ZGPAT: variants seen among roughly 807,000 people sequenced by gnomAD.
ZGPAT encodes the protein zinc finger CCCH-type and G-patch domain containing, also known as zinc finger CCCH-type with G patch domain-containing protein.
ZGPAT carries 39 observed loss-of-function variants against 47.9 expected under a neutral mutation model. The ratio of observed to expected loss-of-function variants is 0.81; its 90% CI spans 0.63 to 1.06. ZGPAT has a LOEUF of 1.06. Among genes scored for constraint, ZGPAT ranks in the 50% least tolerant of loss-of-function variants. ZGPAT has a pLI of 0.00. For missense variants in ZGPAT, 717 were observed against 681.4 expected, an observed-to-expected ratio of 1.05 and a Z score of -0.58; for synonymous variants, 348 against 292.9, an observed-to-expected ratio of 1.19 and a Z score of -1.92.
intron 2 of ZGPAT, chr20:63,730,019 C>CACACACACACACACACACACACACAA (rs67704711): frequency 2.1e-3 from 3 of 1,416 alleles, no homozygotes; most frequent in Non-Finnish European, 6.2e-3. Flanking sequence ...GACTCTACTG[C>CACACACACACACACACACACACACAA]GCACACACAC....
At chr20:63,723,678 T>C (rs561186168) in intron 2 of ZGPAT, among the ~76,000 whole-genome samples, 21 of 152,232 alleles carry the variant, frequency 1.4e-4, no homozygotes, top group Non-Finnish European at 2.5e-4. Flanking sequence ...CTGACATAGC[T>C]CCATCCCCTC....
At chr20:63,730,954 CTCTCTCTCTCTCTCTCTGTGTGTG>C (rs1568797484) in intron 2 of ZGPAT, among the ~76,000 whole-genome samples, 5 of 137,242 alleles carry the variant, frequency 3.6e-5, no homozygotes, top group African/African-American at 1.5e-4. Flanking sequence ...CTCTCTCTCT[CTCTCTCTCTCTCTCTCTGTGTGTG>C]TGTGTGTGTG....
chr20:63,709,077 G>T lies in ZGPAT; in HGVS notation c.497G>T (p.Arg166Leu). 6.2e-7 allele frequency: 1 copy of T among 1,613,166 alleles called. No individual in the cohort carries two copies. Among genetic ancestry groups the T allele is most frequent in the South Asian group, 1.1e-5 (1 of 91,086 alleles). Residue 166 changes from arginine to leucine, a missense_variant, in exon 2 of 7, where the codon CGT (arginine) becomes CTT (leucine). Physicochemically the swap from Arg to Leu is moderately radical, Grantham distance 102. Transcript: ENST00000355969. ...GCGGAGGATGGCTCGGCGGGTGTCCGTGTGCTTTACCTGTACCCCACTCAC... is the reference window on the plus strand; with the variant it reads ...GCGGAGGATGGCTCGGCGGGTGTCCTTGTGCTTTACCTGTACCCCACTCAC... ...EEAEDGSAGV[R>L]VLYLYPTHKS...
chr20:63,727,248 CT>C (rs1175364679), intron 2 of ZGPAT, among the ~76,000 whole-genome samples: 59 of 132,094 alleles, frequency 4.5e-4, no homozygotes, highest in Non-Finnish European at 4.5e-4. Context: ...TTCTTTTTTT[CT>C]TTTTTTTTTT....
intron 2 of ZGPAT, among the ~76,000 whole-genome samples, chr20:63,724,621 T>C (rs1174765219): frequency 1.3e-5 from 2 of 152,112 alleles, no homozygotes; most frequent in Non-Finnish European, 2.9e-5. Context: ...TCCTGTGAAT[T>C]TGAGTTACTG....
intron 2 of ZGPAT, among the ~76,000 whole-genome samples, chr20:63,732,344 AGGT>A (rs55870807): frequency 0.68 from 90,930 of 132,984 alleles, 29,189 homozygotes; most frequent in South Asian, 0.72. Flanking sequence ...TGTGTGGGTG[AGGT>A]GTGTGTGTGC....
intron 2 of ZGPAT, among the ~76,000 whole-genome samples, chr20:63,732,913 T>C (rs575097392): frequency 5.9e-4 from 90 of 152,146 alleles, no homozygotes; most frequent in Non-Finnish European, 1.0e-3. Flanking sequence ...TGCATGTGTG[T>C]GTATATGCCT....
chr20:63,713,072 T>C (rs2145642111), intron 2 of ZGPAT, among the ~76,000 whole-genome samples: 1 of 147,322 alleles, frequency 6.8e-6, no homozygotes, highest in South Asian at 2.2e-4. Flanking sequence ...GAATTGTTTT[T>C]CTTTTCCTTT....
intron 2 of ZGPAT, among the ~76,000 whole-genome samples, chr20:63,731,461 T>C (rs1472708401): frequency 9.3e-6 from 1 of 107,052 alleles, no homozygotes; most frequent in Non-Finnish European, 2.3e-5. Context: ...GTCCTTGGTG[T>C]GTATGTGTGC....
chr20:63,722,842 G>A (rs371056401), intron 2 of ZGPAT, among the ~76,000 whole-genome samples: 91 of 152,260 alleles, frequency 6.0e-4, no homozygotes, highest in African/African-American at 2.2e-3. Context: ...TGTTGGTCAG[G>A]CTGGTCTCGA....
intron 2 of ZGPAT, among the ~76,000 whole-genome samples, chr20:63,715,302 C>T (rs551754966): frequency 6.8e-5 from 10 of 148,042 alleles, no homozygotes; most frequent in African/African-American, 1.5e-4. Context: ...GTGAGTGGCG[C>T]GATCTCGGCT....
At chr20:63,720,549 T>G (rs1474685943) in intron 2 of ZGPAT, among the ~76,000 whole-genome samples, 1 of 152,164 alleles carries the variant, frequency 6.6e-6, no homozygotes, top group African/African-American at 2.4e-5. Flanking sequence ...CCGTCCAGGC[T>G]TAAGTGAGTC....
chr20:63,731,969 G>A (rs931274721), intron 2 of ZGPAT, among the ~76,000 whole-genome samples: 5 of 152,194 alleles, frequency 3.3e-5, no homozygotes, highest in African/African-American at 9.7e-5. Flanking sequence ...TATATATAAG[G>A]GACTTGAGCA....
intron 4 of ZGPAT, 134 bp from the exon 5 acceptor site, chr20:63,734,571 T>C (rs1206892151): frequency 2.3e-5 from 34 of 1,503,476 alleles, no homozygotes; most frequent in South Asian, 2.6e-5. Flanking sequence ...TCTGAGCTCA[T>C]TGGTCAAAGC....
At chr20:63,735,720 G>A (rs2091981640) in intron 6 of ZGPAT, 61 bp from the exon 7 acceptor site, 10 of 1,552,352 alleles carry the variant, frequency 6.4e-6, no homozygotes, top group East Asian at 2.4e-5. Context: ...CAGTGGGTAC[G>A]GCAGACTGGG....
intron 4 of ZGPAT, chr20:63,734,425 G>A: frequency 1.9e-6 from 1 of 526,322 alleles, no homozygotes; most frequent in East Asian, 3.2e-5. Context: ...GGGCAGGAGA[G>A]GGCTGCGGAG....
At chr20:63,724,984 CTT>C (rs35291396) in intron 2 of ZGPAT, among the ~76,000 whole-genome samples, 35 of 125,824 alleles carry the variant, frequency 2.8e-4, no homozygotes, top group Admixed American at 3.3e-4. Context: ...TTTAGAATTT[CTT>C]TTTTTTTTTT....
At position 63,711,202 on chromosome 20, in the gene ZGPAT, G is replaced by A. The variant is rs1318505538; in HGVS notation, c.584+2038G>A. Among the ~76,000 whole-genome samples, 3 of 151,992 alleles carry A rather than the reference G, an allele frequency of 2.0e-5. No homozygotes were observed. The East Asian group carries it at 5.8e-4, about 29-fold the overall frequency. On this transcript the variant is annotated intron_variant, in intron 2 of 6. Transcript: ENST00000355969. ...GCACTGCCACGCCCAGCTAATTTTT[G>A]TATTTTTTGTAGAGACGGGATTTCA...
intron 2 of ZGPAT, among the ~76,000 whole-genome samples, 169 bp from the exon 3 acceptor site, chr20:63,733,036 ATGTGTGTGTGTATG>A (rs2091937748): frequency 6.6e-6 from 1 of 151,152 alleles, no homozygotes; most frequent in South Asian, 2.1e-4. Context: ...GAGTGTGTGC[ATGTGTGTGTGTATG>A]TGTGCGTGTG....
Sources: gnomAD v4.1 joint callset for allele counts (sites outside exome capture counted in the v4.1 genomes callset) on GRCh38, gnomAD v4.1.1 for gene constraint, MANE v1.5 for transcripts, NCBI Gene and HGNC (gene_info 2026-07-23, HGNC 2026-07-21) for gene names.